Variants in RORA observed in about 807,000 individuals in gnomAD.
The protein encoded by RORA is RAR related orphan receptor A.
Under a neutral mutation model 69.5 loss-of-function variants are expected in RORA, and 7 were observed. That is an observed-to-expected ratio of 0.10 (90% CI 0.06 to 0.19). The LOEUF (loss-of-function observed/expected upper bound fraction) is 0.19. Among genes scored for constraint, RORA ranks in the 10% least tolerant of loss-of-function variants. RORA has a pLI of 1.00. For missense variants in RORA, 457 were observed against 663.0 expected (o/e 0.69, Z 3.41); for synonymous variants, 261 against 240.8 (o/e 1.08, Z -0.78).
chr15:61,176,357 C>T (rs1446170838), intron 1 of RORA: 1 of 152,184 alleles, frequency 6.6e-6, no homozygotes, highest in African/African-American at 2.4e-5. Flanking sequence ...AAAATAAAAT[C>T]CTGGTCTCCT....
At chr15:60,568,313 A>T (rs1457142830) in intron 2 of RORA, among the ~76,000 whole-genome samples, 2 of 152,236 alleles carry the variant, frequency 1.3e-5, no homozygotes, top group Non-Finnish European at 2.9e-5. Flanking sequence ...TCCTGAGGGT[A>T]GTGATGCCAA....
intron 1 of RORA, chr15:61,211,832 A>G (rs1048040986): frequency 7.9e-5 from 12 of 152,168 alleles, no homozygotes; most frequent in African/African-American, 2.9e-4. Flanking sequence ...GGGCTGCAAC[A>G]TCATCAACCT....
chr15:61,099,191 C>G (rs1168564095), intron 1 of RORA, among the ~76,000 whole-genome samples: 2 of 152,152 alleles, frequency 1.3e-5, no homozygotes, highest in Non-Finnish European at 2.9e-5. Flanking sequence ...ACGGTTTACC[C>G]CAGTGACTGT....
rs1451312435 is a variant in RORA at position 61,087,810 on chromosome 15, T to C, written c.166+141243A>G. Among the ~76,000 whole-genome samples, 3 of 152,240 alleles carry C rather than the reference T, an allele frequency of 2.0e-5. No individual in the cohort carries two copies. In the East Asian group the frequency reaches 5.8e-4, roughly 29 times the overall value. On this transcript the variant is annotated intron_variant, in intron 1 of 10. Coordinates refer to ENST00000335670, the MANE Select transcript of RORA (RefSeq NM_134261.3). Reference sequence around the variant, plus strand: ...CCATAACCCTGTGGGAATGGCATTTTTTATGTGTTCTGCAGTGAATTTATG... The same window carrying C: ...CCATAACCCTGTGGGAATGGCATTTCTTATGTGTTCTGCAGTGAATTTATG...
At chr15:60,745,707 G>A (rs1344584180) in intron 1 of RORA, among the ~76,000 whole-genome samples, 1 of 152,228 alleles carries the variant, frequency 6.6e-6, no homozygotes, top group African/African-American at 2.4e-5. Flanking sequence ...AGCCATGCCT[G>A]TAGACATGGC....
chr15:61,214,902 G>A (rs1208773851), intron 1 of RORA, among the ~76,000 whole-genome samples: 3 of 127,894 alleles, frequency 2.3e-5, no homozygotes, highest in Non-Finnish European at 4.7e-5. Context: ...GTCTTGCTGT[G>A]TCCCCAGGCT....
chr15:60,547,411 C>A (rs1469435386), intron 2 of RORA, among the ~76,000 whole-genome samples: 1 of 151,570 alleles, frequency 6.6e-6, no homozygotes, highest in Non-Finnish European at 1.5e-5. Context: ...GCAACCTCCA[C>A]CTCCCCCAGG....
At chr15:60,639,044 G>A (rs983366647) in intron 2 of RORA, among the ~76,000 whole-genome samples, 1 of 152,022 alleles carries the variant, frequency 6.6e-6, no homozygotes, top group Non-Finnish European at 1.5e-5. Context: ...CAGCGAAACC[G>A]TGCCTCCTTC....
chr15:61,097,492 T>G (rs571805161), intron 1 of RORA, among the ~76,000 whole-genome samples: 1 of 152,104 alleles, frequency 6.6e-6, no homozygotes, highest in South Asian at 2.1e-4. Flanking sequence ...GACTTTCTGC[T>G]TGTCATCTTC....
intron 1 of RORA, among the ~76,000 whole-genome samples, chr15:60,719,109 T>C (rs1034225358): frequency 2.4e-4 from 4 of 16,900 alleles, no homozygotes; most frequent in African/African-American, 1.1e-3. Flanking sequence ...TTTGGGTCTT[T>C]ACTTGATCAA....
intron 1 of RORA, among the ~76,000 whole-genome samples, chr15:60,937,624 T>C (rs1265420218): frequency 3.3e-5 from 5 of 152,196 alleles, no homozygotes; most frequent in Non-Finnish European, 7.3e-5. Flanking sequence ...GACTCCAACT[T>C]GGGTCTTCCC....
intron 2 of RORA, among the ~76,000 whole-genome samples, chr15:60,539,698 A>G (rs1214108747): frequency 6.6e-6 from 1 of 152,174 alleles, no homozygotes; most frequent in Non-Finnish European, 1.5e-5. Context: ...AATAAATGAT[A>G]CCACCAGGAT....
intron 2 of RORA, among the ~76,000 whole-genome samples, chr15:60,645,531 A>G (rs1014245344): frequency 6.6e-6 from 1 of 150,500 alleles, no homozygotes; most frequent in Non-Finnish European, 1.5e-5. Flanking sequence ...AGCTGGGACT[A>G]CAGGCATGCG....
chr15:61,017,734 T>C (rs2140407733), intron 1 of RORA, among the ~76,000 whole-genome samples: 1 of 152,318 alleles, frequency 6.6e-6, no homozygotes, highest in East Asian at 1.9e-4. Flanking sequence ...AGCTGTCTTG[T>C]GCTTTCCATT....
At chr15:61,171,704 C>T (rs569655896) in intron 1 of RORA, among the ~76,000 whole-genome samples, 1 of 152,290 alleles carries the variant, frequency 6.6e-6, no homozygotes, top group Admixed American at 6.5e-5. Context: ...GGAGGTGGCC[C>T]CCATTGGGAA....
chr15:61,209,921 G>A (rs1176059818), intron 1 of RORA, among the ~76,000 whole-genome samples: 2 of 152,134 alleles, frequency 1.3e-5, no homozygotes, highest in Admixed American at 6.5e-5. Context: ...CTTTTGCCTT[G>A]GCATAAAGTG....
At chr15:60,544,606 G>A (rs1441552331) in intron 2 of RORA, among the ~76,000 whole-genome samples, 2 of 152,028 alleles carry the variant, frequency 1.3e-5, no homozygotes, top group African/African-American at 2.4e-5. Context: ...ATACGCTGTT[G>A]ATGTAAAAAT....
chr15:60,793,861 C>A (rs1013806737), intron 1 of RORA, among the ~76,000 whole-genome samples: 7 of 152,196 alleles, frequency 4.6e-5, no homozygotes, highest in African/African-American at 1.7e-4. Context: ...TCCTGATGCT[C>A]TGTGACATTT....
intron 1 of RORA, among the ~76,000 whole-genome samples, chr15:61,021,326 A>C (rs1880104): frequency 0.96 from 145,660 of 152,268 alleles, 70,024 homozygotes; most frequent in Middle Eastern, 1. Flanking sequence ...TTATTAGAAA[A>C]CCCTAAATAC....
Sources: allele counts gnomAD v4.1 joint callset (sites outside exome capture counted in the v4.1 genomes callset), GRCh38; gene constraint gnomAD v4.1.1; transcripts MANE v1.5; gene names NCBI Gene and HGNC (gene_info 2026-07-23, HGNC 2026-07-21).